Variants in CRTC3 observed in about 807,000 individuals in gnomAD.
CRTC3 encodes the protein CREB-regulated transcription coactivator 3.
A neutral mutation model predicts 74.5 loss-of-function variants in CRTC3; 26 were observed. That is an observed-to-expected ratio of 0.35 (90% confidence interval 0.26 to 0.48). The LOEUF is 0.48. Among genes scored for constraint, CRTC3 ranks in the 20% least tolerant of loss-of-function variants. The pLI is 0.99. For missense variants in CRTC3, 760 were observed against 787.3 expected (o/e 0.97, Z 0.41); for synonymous variants, 377 against 325.8 (o/e 1.16, Z -1.69).
chr15:90,630,347 T>C (rs1483748931), intron 11 of CRTC3, among the ~76,000 whole-genome samples: 1 of 152,228 alleles, frequency 6.6e-6, no homozygotes, highest in Non-Finnish European at 1.5e-5. Flanking sequence ...GAAACAATAC[T>C]TTTATTGTTC....
intron 2 of CRTC3, 78 bp downstream of exon 2, chr15:90,540,215 T>C: frequency 1.0e-6 from 1 of 1,002,738 alleles, no homozygotes; most frequent in Non-Finnish European, 1.5e-6. Flanking sequence ...AAAGATGAGA[T>C]CTTGAAGGAT....
intron 2 of CRTC3, among the ~76,000 whole-genome samples, chr15:90,575,147 C>G (rs8033053): frequency 6.6e-6 from 1 of 152,002 alleles, no homozygotes; most frequent in Non-Finnish European, 1.5e-5. Flanking sequence ...GTCAGCAGTT[C>G]GAGACCAGCC....
intron 1 of CRTC3, among the ~76,000 whole-genome samples, chr15:90,537,689 T>C (rs901221476): frequency 6.6e-6 from 1 of 152,178 alleles, no homozygotes; most frequent in Non-Finnish European, 1.5e-5. Flanking sequence ...CTGGCCTTTT[T>C]TTTGAGACAG....
At chr15:90,561,638 AC>A (rs1967012923) in intron 2 of CRTC3, among the ~76,000 whole-genome samples, 1 of 152,124 alleles carries the variant, frequency 6.6e-6, no homozygotes, top group Non-Finnish European at 1.5e-5. Context: ...CAATCCTCTT[AC>A]CTATCTCCTT....
At chr15:90,608,463 A>C (rs568965766) in intron 6 of CRTC3, among the ~76,000 whole-genome samples, 2 of 149,412 alleles carry the variant, frequency 1.3e-5, no homozygotes, top group African/African-American at 5.0e-5. Flanking sequence ...TCTCTCTCTC[A>C]CTCCTGGCCA....
chr15:90,557,267 C>G (rs929680961), intron 2 of CRTC3, among the ~76,000 whole-genome samples: 7 of 152,164 alleles, frequency 4.6e-5, no homozygotes, highest in Admixed American at 3.9e-4. Context: ...ACCGCCTACA[C>G]TGCCAGCACC....
At chr15:90,639,393 ACTGGGCC>A (rs1275311235) in intron 13 of CRTC3, among the ~76,000 whole-genome samples, 1 of 151,216 alleles carries the variant, frequency 6.6e-6, no homozygotes, top group African/African-American at 2.4e-5. Context: ...ATAAGTATGG[ACTGGGCC>A]CTCCGATGGA....
intron 3 of CRTC3, 57 bp downstream of exon 3, chr15:90,593,812 C>A: frequency 6.5e-7 from 1 of 1,532,572 alleles, no homozygotes; most frequent in South Asian, 1.2e-5. Context: ...GAAAAGTTTT[C>A]AGGATTTATC....
intron 2 of CRTC3, among the ~76,000 whole-genome samples, chr15:90,571,265 C>T (rs1200990656): frequency 6.6e-6 from 1 of 152,126 alleles, no homozygotes; most frequent in African/African-American, 2.4e-5. Context: ...CAGAGAGTGG[C>T]TGGATTGTGT....
intron 2 of CRTC3, among the ~76,000 whole-genome samples, chr15:90,549,047 G>C (rs1172171872): frequency 1.3e-5 from 2 of 152,128 alleles, no homozygotes; most frequent in African/African-American, 4.8e-5. Flanking sequence ...GCTTATTACA[G>C]AAAACTGGTT....
chr15:90,549,567 G>A (rs971323255), intron 2 of CRTC3, among the ~76,000 whole-genome samples: 5 of 152,078 alleles, frequency 3.3e-5, no homozygotes, highest in Non-Finnish European at 5.9e-5. Flanking sequence ...CTTGAGCCCA[G>A]GAGTTGGAGA....
intron 1 of CRTC3, among the ~76,000 whole-genome samples, chr15:90,532,707 G>T (rs540206287): frequency 6.4e-4 from 97 of 152,282 alleles, no homozygotes; most frequent in African/African-American, 2.3e-3. Flanking sequence ...TAGAAGTCCG[G>T]CATTATCAGG....
At chr15:90,581,062 G>C (rs943801655) in intron 2 of CRTC3, among the ~76,000 whole-genome samples, 3 of 152,176 alleles carry the variant, frequency 2.0e-5, no homozygotes, top group Admixed American at 2.0e-4. Context: ...AGCATGGCTG[G>C]ATGAGAAAGG....
intron 2 of CRTC3, among the ~76,000 whole-genome samples, chr15:90,558,715 T>G (rs1404054570): frequency 6.6e-6 from 1 of 151,948 alleles, no homozygotes; most frequent in African/African-American, 2.4e-5. Flanking sequence ...CCTCAGCACT[T>G]ATCACGATCC....
intron 3 of CRTC3, among the ~76,000 whole-genome samples, chr15:90,601,588 G>A (rs1375198060): frequency 2.6e-5 from 4 of 152,166 alleles, no homozygotes; most frequent in African/African-American, 4.8e-5. Flanking sequence ...GGGAGGTGGA[G>A]GTTGCAGTGA....
chr15:90,567,758 G>C (rs1967160788), intron 2 of CRTC3, among the ~76,000 whole-genome samples: 2 of 152,144 alleles, frequency 1.3e-5, no homozygotes, highest in East Asian at 1.9e-4. Flanking sequence ...TCATCCAGGA[G>C]CTCTGATGGA....
chr15:90,615,232 G>A (rs997054905), intron 7 of CRTC3, among the ~76,000 whole-genome samples: 1 of 152,084 alleles, frequency 6.6e-6, no homozygotes, highest in African/African-American at 2.4e-5. Flanking sequence ...ACTGAGTTTC[G>A]TAAAGCCAAT....
chr15:90,617,037 C>G (rs904027302), intron 7 of CRTC3, among the ~76,000 whole-genome samples: 1 of 152,194 alleles, frequency 6.6e-6, no homozygotes, highest in Non-Finnish European at 1.5e-5. Flanking sequence ...GCAGAGCCCC[C>G]CTGCCCTGGC....
chr15:90,593,654 G>A lies in CRTC3; in HGVS notation c.250G>A (p.Asp84Asn), dbSNP rs1596108213. ...TCTGCAGCCGTCATTTCACCAAGCT[G>A]ATAATGTTCGGGGAACCCGCCATCA... ...SEFQPSFHQADNVRGTRHHGL... is the reference protein window; with the variant it reads ...SEFQPSFHQANNVRGTRHHGL... Residue 84 changes from aspartate to asparagine, a missense_variant, in exon 3 of 15, where the codon GAT (aspartate) becomes AAT (asparagine). Coordinates refer to ENST00000268184, the MANE Select transcript of CRTC3 (RefSeq NM_022769.5). 10 of 1,609,528 alleles carry A rather than the reference G, an allele frequency of 6.2e-6. No homozygotes were observed. The highest frequency in any genetic ancestry group is 7.7e-6 in the Non-Finnish European group (9 of 1,176,128).
Sources: allele counts gnomAD v4.1 joint callset (sites outside exome capture counted in the v4.1 genomes callset), GRCh38; gene constraint gnomAD v4.1.1; transcripts MANE v1.5; gene names NCBI Gene and HGNC (gene_info 2026-07-23, HGNC 2026-07-21).